BRAF: variants seen among roughly 807,000 people sequenced by gnomAD.
BRAF encodes the protein B-Raf proto-oncogene, serine/threonine kinase.
In BRAF, 16 loss-of-function variants were observed where a neutral mutation model predicts 104.6. That is an observed-to-expected ratio of 0.15 (90% confidence interval 0.10 to 0.23). The LOEUF is 0.23. Ranked by LOEUF, BRAF falls within the 10% of genes least tolerant of loss-of-function variation. The pLI is 1.00. For missense variants in BRAF, 541 were observed against 937.3 expected (o/e 0.58, Z 5.52); for synonymous variants, 310 against 341.6 (o/e 0.91, Z 1.02).
chr7:140,908,232 G>T lies in BRAF; in HGVS notation c.138+16334C>A, dbSNP rs543318618. On this transcript the variant is annotated intron_variant, in intron 1 of 19. Coordinates refer to ENST00000644969, the MANE Select transcript of BRAF (RefSeq NM_001374258.1). Reference sequence around the variant, plus strand: ...GTTATTATTTTTCCTCTGTAAAAACGTAATTTTAGGTATATATACATAAAG... The same window carrying T: ...GTTATTATTTTTCCTCTGTAAAAACTTAATTTTAGGTATATATACATAAAG... Among the ~76,000 whole-genome samples, 5 of 152,192 alleles carry T rather than the reference G, an allele frequency of 3.3e-5. No homozygotes were observed. In the South Asian group the frequency reaches 1.0e-3, roughly 32 times the overall value.
At chr7:140,871,366 C>A (rs1415541222) in intron 1 of BRAF, among the ~76,000 whole-genome samples, 2 of 151,392 alleles carry the variant, frequency 1.3e-5, no homozygotes, top group Admixed American at 1.3e-4. Context: ...TGGCCAGAGA[C>A]AGAATTATAG....
intron 8 of BRAF, among the ~76,000 whole-genome samples, chr7:140,788,813 T>C (rs1801650661): frequency 6.6e-6 from 1 of 151,848 alleles, no homozygotes; most frequent in Non-Finnish European, 1.5e-5. Context: ...GGTCTTGAAC[T>C]CCTGACCTCA....
intron 7 of BRAF, among the ~76,000 whole-genome samples, chr7:140,797,500 T>C (rs1802613011): frequency 1.3e-5 from 2 of 152,202 alleles, no homozygotes; most frequent in Non-Finnish European, 2.9e-5. Context: ...CTTCTATCTT[T>C]ACAGAGACAA....
At chr7:140,807,468 G>A (rs1803778368) in intron 5 of BRAF, among the ~76,000 whole-genome samples, 1 of 150,704 alleles carries the variant, frequency 6.6e-6, no homozygotes, top group African/African-American at 2.4e-5. Flanking sequence ...ACATCCTGTT[G>A]AATTAAAAAA....
At chr7:140,765,903 G>T (rs1442354920) in intron 14 of BRAF, among the ~76,000 whole-genome samples, 3 of 143,430 alleles carry the variant, frequency 2.1e-5, no homozygotes, top group Admixed American at 2.0e-4. Context: ...GATTCCTCAG[G>T]GATCTAGAAC....
intron 1 of BRAF, among the ~76,000 whole-genome samples, chr7:140,893,416 A>T (rs1814500509): frequency 6.6e-6 from 1 of 151,910 alleles, no homozygotes; most frequent in Non-Finnish European, 1.5e-5. Flanking sequence ...TGCCTGGCTA[A>T]TTTTTTGTAT....
intron 8 of BRAF, 79 bp from the exon 9 acceptor site, chr7:140,787,663 A>G: frequency 2.5e-6 from 3 of 1,192,126 alleles, no homozygotes; most frequent in Non-Finnish European, 2.5e-6. Context: ...ATTTTCCACT[A>G]ACGTTAAAAG....
the BRAF span, among the ~76,000 whole-genome samples, chr7:140,713,529 C>T: frequency 3.3e-5 from 5 of 151,726 alleles, no homozygotes; most frequent in Non-Finnish European, 7.4e-5. Flanking sequence ...TTTTTCAAAG[C>T]TTTTAACTTC....
At chr7:140,812,301 C>G (rs770478956) in intron 3 of BRAF, among the ~76,000 whole-genome samples, 2 of 151,934 alleles carry the variant, frequency 1.3e-5, no homozygotes, top group African/African-American at 4.8e-5. Context: ...GAAGCCCACG[C>G]TGAGTTCACT....
chr7:140,854,685 C>T (rs920513209), intron 1 of BRAF, among the ~76,000 whole-genome samples: 1 of 152,148 alleles, frequency 6.6e-6, no homozygotes, highest in African/African-American at 2.4e-5. Flanking sequence ...GTGGCTCACA[C>T]CTGTAATCCC....
Position 140,798,373 on chromosome 7 carries a change from C to T in BRAF, c.980+1989G>A, listed in dbSNP as rs188402372. 8.0e-5 allele frequency among the ~76,000 whole-genome samples: 12 copies of T among 149,154 alleles called. No homozygotes were observed. In the East Asian group the frequency reaches 1.0e-3, roughly 13 times the overall value. ...CACCTCCTGGGTTCACGCCATCCTC[C>T]TGACTCCTGAGTAGCTGGGACTACA... On this transcript the variant is annotated intron_variant, in intron 7 of 19. Transcript: ENST00000644969.
rs1797595959 is a variant in BRAF at position 140,749,284 on chromosome 7, T to C, written c.2112+3A>G. The C allele has an allele frequency of 2.5e-6, 4 of 1,610,948 alleles. No individual in the cohort carries two copies. The Admixed American group carries it at 5.0e-5, about 20-fold the overall frequency. ...TAAACACCAAGACGTGGTAAATATTTACCTGGTCCCTGTTGTTGATGTTTG... is the reference window on the plus strand; with the variant it reads ...TAAACACCAAGACGTGGTAAATATTCACCTGGTCCCTGTTGTTGATGTTTG... On this transcript the variant is annotated splice_donor_region_variant and intron_variant, in intron 17 of 19. Coordinates refer to ENST00000644969, the MANE Select transcript of BRAF (RefSeq NM_001374258.1).
intron 1 of BRAF, among the ~76,000 whole-genome samples, chr7:140,860,230 T>TA (rs942433709): frequency 1.3e-5 from 2 of 152,070 alleles, no homozygotes; most frequent in African/African-American, 4.8e-5. Context: ...GACTATATAA[T>TA]AAATATTTCC....
In BRAF at chr7:140,876,135, G is replaced by A. The variant is rs75731582; in HGVS notation, c.139-25923C>T. On this transcript the variant is annotated intron_variant, in intron 1 of 19. Transcript: ENST00000644969. ...AATGAAGCTTTCAATTAATAGAAAC[G>A]TAACATACAGCCAACAATAAGAGAA... Among the ~76,000 whole-genome samples the A allele has an allele frequency of 3.4e-3, 519 of 152,258 alleles. 2 individuals are homozygous for A. The highest frequency in any genetic ancestry group is 0.011 in the African/African-American group (477 of 41,570).
intron 3 of BRAF, among the ~76,000 whole-genome samples, chr7:140,829,553 C>T (rs1215161209): frequency 6.6e-6 from 1 of 152,182 alleles, no homozygotes; most frequent in Middle Eastern, 3.4e-3. Context: ...TTATATTCCA[C>T]TGAAATAATT....
chr7:140,844,680 C>T (rs745484611), intron 2 of BRAF, among the ~76,000 whole-genome samples: 8 of 152,358 alleles, frequency 5.3e-5, no homozygotes, highest in Non-Finnish European at 1.2e-4. Context: ...AATCCCACCA[C>T]TTTGGGAAGC....
intron 17 of BRAF, among the ~76,000 whole-genome samples, chr7:140,744,085 C>CCTGCCTGATCAGAGTGTCTGTTTAT (rs1797155143): frequency 2.6e-5 from 4 of 152,320 alleles, no homozygotes; most frequent in Admixed American, 2.6e-4. Context: ...CTTGAAATGT[C>CCTGCCTGATCAGAGTGTCTGTTTAT]CTGCCTGATC....
intron 1 of BRAF, among the ~76,000 whole-genome samples, chr7:140,882,371 C>CTTTTTTT (rs1232247923): frequency 7.9e-6 from 1 of 126,644 alleles, no homozygotes; most frequent in Non-Finnish European, 1.7e-5. Flanking sequence ...ATCAAAGTAT[C>CTTTTTTT]TTTTTTTTTT....
chr7:140,833,329 G>A (rs1024081981), intron 3 of BRAF, among the ~76,000 whole-genome samples: 10 of 152,196 alleles, frequency 6.6e-5, no homozygotes, highest in African/African-American at 2.2e-4. Flanking sequence ...GAAGGGAAAC[G>A]CCTGGGACTG....
Sources: allele counts gnomAD v4.1 joint callset (sites outside exome capture counted in the v4.1 genomes callset), GRCh38; gene constraint gnomAD v4.1.1; transcripts MANE v1.5; gene names NCBI Gene and HGNC (gene_info 2026-07-23, HGNC 2026-07-21).